TFEB: variants seen among roughly 807,000 people sequenced by gnomAD.
The protein encoded by TFEB is T-cell transcription factor EB.
TFEB carries 12 observed loss-of-function variants against 48.0 expected under a neutral mutation model. That is an observed-to-expected ratio of 0.25 (90% CI 0.16 to 0.40). TFEB has a LOEUF of 0.40. TFEB is among the 10% of genes least tolerant of loss of function. The pLI, the probability that TFEB is intolerant of heterozygous loss-of-function variation, is 1.00. For missense variants in TFEB, 509 were observed against 640.3 expected (o/e 0.79, Z 2.21); for synonymous variants, 244 against 261.4 (o/e 0.93, Z 0.64).
rs545420505 is a variant in TFEB, at chr6:41,706,818, T to C, written c.-22-15583A>G. On this transcript the variant is annotated intron_variant, in intron 1 of 8. Coordinates refer to ENST00000373033, the MANE Select transcript of TFEB (RefSeq NM_001271944.2). Reference sequence around the variant, plus strand: ...AGCTGTCCCCCAACCTGCCCCCATCTCCCCCCGCCCACACCCAGGTATGAA... The same window carrying C: ...AGCTGTCCCCCAACCTGCCCCCATCCCCCCCCGCCCACACCCAGGTATGAA... Among the ~76,000 whole-genome samples, 890 of 137,388 alleles carry C rather than the reference T, an allele frequency of 6.5e-3. 5 individuals are homozygous for C. Among genetic ancestry groups the C allele is most frequent in the Non-Finnish European group, 9.7e-3 (612 of 63,270 alleles). The allele number at this position is 137,388 out of a possible 152,430, so 90.1% of individuals were successfully genotyped here.
intron 1 of TFEB, among the ~76,000 whole-genome samples, chr6:41,726,189 C>T (rs1047589284): frequency 5.3e-5 from 8 of 152,328 alleles, no homozygotes; most frequent in African/African-American, 1.9e-4. Flanking sequence ...CTCACAAATA[C>T]ACTGTTGGGT....
chr6:41,725,236 T>C (rs1771153753), intron 1 of TFEB, among the ~76,000 whole-genome samples: 1 of 152,232 alleles, frequency 6.6e-6, no homozygotes, highest in African/African-American at 2.4e-5. Context: ...TTACAGGGGC[T>C]GTCCTGTGCA....
intron 1 of TFEB, among the ~76,000 whole-genome samples, chr6:41,714,462 G>A (rs2127255308): frequency 6.6e-6 from 1 of 152,344 alleles, no homozygotes; most frequent in South Asian, 2.1e-4. Flanking sequence ...CAAAGCAGAG[G>A]ATGGGGAAGA....
At chr6:41,731,348 A>G (rs930187652) in intron 1 of TFEB, among the ~76,000 whole-genome samples, 17 of 152,178 alleles carry the variant, frequency 1.1e-4, no homozygotes, top group Non-Finnish European at 1.6e-4. Flanking sequence ...ACACTGGTCC[A>G]GTGCTCAATA....
chr6:41,687,750 C>G lies in TFEB; in HGVS notation c.727+3G>C, dbSNP rs1769085306. ...GCAGGGAGAGGGGCGGGGCAGGACT[C>G]ACTTAAGTTGTGATTGTCTTTCTTC... On this transcript the variant is annotated splice_donor_region_variant and intron_variant, in intron 6 of 8. Coordinates refer to ENST00000373033, the MANE Select transcript of TFEB (RefSeq NM_001271944.2). 6.2e-7 allele frequency: 1 copy of G among 1,613,934 alleles called. No homozygotes were observed. The highest frequency in any genetic ancestry group is 1.3e-5 in the African/African-American group (1 of 74,912).
intron 8 of TFEB, 76 bp downstream of exon 8, chr6:41,686,014 A>G: frequency 6.3e-7 from 1 of 1,583,424 alleles, no homozygotes; most frequent in Non-Finnish European, 8.7e-7. Context: ...CTTCAGAAGT[A>G]CAAGTACTGC....
intron 1 of TFEB, among the ~76,000 whole-genome samples, chr6:41,729,029 C>T (rs1008322822): frequency 6.6e-6 from 1 of 152,084 alleles, no homozygotes; most frequent in African/African-American, 2.4e-5. Context: ...CAAAACACAG[C>T]AAACCCCTGT....
chr6:41,696,117 G>A (rs1244434276), intron 1 of TFEB, among the ~76,000 whole-genome samples: 1 of 152,238 alleles, frequency 6.6e-6, no homozygotes, highest in Non-Finnish European at 1.5e-5. Flanking sequence ...TCTGAGGGGA[G>A]TACCATCTTC....
At chr6:41,725,739 T>G (rs73733009) in intron 1 of TFEB, among the ~76,000 whole-genome samples, 7,759 of 152,246 alleles carry the variant, frequency 0.051, 633 homozygotes, top group African/African-American at 0.17. Context: ...ATTATAGATG[T>G]CAGCAAACAT....
rs539280589 is a variant in TFEB at position 41,701,544 on chromosome 6, C to T, written c.-22-10309G>A. Among the ~76,000 whole-genome samples, 11 of 152,356 alleles carry T rather than the reference C, an allele frequency of 7.2e-5. No homozygotes were observed. In the South Asian group the frequency reaches 2.3e-3, roughly 32 times the overall value. ...CACCCACTTGGCAAACGCTCCGAGT[C>T]CCTCCCACATTGCACTGCGCAAGGG... On this transcript the variant is annotated intron_variant, in intron 1 of 8. Transcript: ENST00000373033.
At chr6:41,685,993 T>C (rs1768977362) in intron 8 of TFEB, 97 bp downstream of exon 8, 1 of 1,499,734 alleles carries the variant, frequency 6.7e-7, no homozygotes, top group East Asian at 2.3e-5. Flanking sequence ...GCATTATTCC[T>C]GTGTCTCCAA....
At chr6:41,700,213 TC>T (rs201367576) in intron 1 of TFEB, among the ~76,000 whole-genome samples, 7,352 of 152,108 alleles carry the variant, frequency 0.048, 569 homozygotes, top group African/African-American at 0.16. Flanking sequence ...ACGCCTGTAA[TC>T]CCAGCACTTT....
At chr6:41,705,434 G>A (rs551614587) in intron 1 of TFEB, among the ~76,000 whole-genome samples, 50 of 152,298 alleles carry the variant, frequency 3.3e-4, no homozygotes, top group Non-Finnish European at 6.2e-4. Flanking sequence ...TCAGCAGAGT[G>A]GAGCTCTGAC....
intron 4 of TFEB, among the ~76,000 whole-genome samples, 199 bp downstream of exon 4, chr6:41,689,532 A>T (rs1769184807): frequency 6.6e-6 from 1 of 152,100 alleles, no homozygotes. Context: ...ACAGAGGCTG[A>T]GGCACATCCT....
intron 1 of TFEB, among the ~76,000 whole-genome samples, chr6:41,707,428 C>T (rs554871577): frequency 6.6e-6 from 1 of 152,292 alleles, no homozygotes; most frequent in South Asian, 2.1e-4. Flanking sequence ...GGGCTGGTGG[C>T]TGGAGGAAGA....
In TFEB at chr6:41,684,432, C is replaced by T. The variant is rs571480989; in HGVS notation, c.*167G>A. On this transcript the variant is annotated 3_prime_UTR_variant, in exon 9 of 9. Coordinates refer to ENST00000373033, the MANE Select transcript of TFEB (RefSeq NM_001271944.2). ...CCTGGGGGTGCTTCTCCTGACCCCA[C>T]AGGCTGCCAGACAGGCACTAAGTCC... 4.1e-5 allele frequency: 34 copies of T among 834,122 alleles called. No homozygotes were observed. In the South Asian group the frequency reaches 9.0e-4, roughly 22 times the overall value. 51.7% of individuals were successfully genotyped at this position (834,122 alleles called of 1,614,324 possible). A position where few individuals can be genotyped will look rare whatever the true frequency, so the allele number is the denominator to read the frequency against.
intron 1 of TFEB, among the ~76,000 whole-genome samples, chr6:41,710,534 G>A (rs1770431046): frequency 6.6e-6 from 1 of 152,208 alleles, no homozygotes; most frequent in African/African-American, 2.4e-5. Flanking sequence ...TTGGAGAAAT[G>A]AAGAAAGAAA....
chr6:41,684,761 G>A lies in TFEB; in HGVS notation c.1269C>T (p.Ser423=), dbSNP rs765812720. Residue 423 remains serine (S), a synonymous_variant, in exon 9 of 9, where the codon TCC becomes TCT. Coordinates refer to ENST00000373033, the MANE Select transcript of TFEB (RefSeq NM_001271944.2). ...YPEPLAPGHG[S]PFPSLSKKDL... is the part of the protein sequence containing the mutation. Reference sequence around the variant, plus strand: ...CCTTCTTGGACAGGCTGGGGAATGGGGAGCCATGCCCCGGCGCCAGGGGTT... The same window carrying A: ...CCTTCTTGGACAGGCTGGGGAATGGAGAGCCATGCCCCGGCGCCAGGGGTT... The A allele has an allele frequency of 8.7e-6, 14 of 1,612,552 alleles. No individual in the cohort carries two copies. Among genetic ancestry groups the A allele is most frequent in the East Asian group, 2.2e-5 (1 of 44,774 alleles).
At chr6:41,702,183 T>TC (rs1186939863) in intron 1 of TFEB, among the ~76,000 whole-genome samples, 2 of 151,984 alleles carry the variant, frequency 1.3e-5, no homozygotes, top group African/African-American at 4.8e-5. Context: ...CTACAGAGGT[T>TC]CCCCAGAGAG....
Sources: gnomAD v4.1 joint callset for allele counts (sites outside exome capture counted in the v4.1 genomes callset) on GRCh38, gnomAD v4.1.1 for gene constraint, MANE v1.5 for transcripts, NCBI Gene and HGNC (gene_info 2026-07-23, HGNC 2026-07-21) for gene names.